Variants in SFSWAP observed in about 807,000 individuals in gnomAD.
SFSWAP encodes the protein splicing factor, suppressor of white-apricot homolog.
A neutral mutation model predicts 100.7 loss-of-function variants in SFSWAP; 17 were observed. That is an observed-to-expected ratio of 0.17 (90% CI 0.12 to 0.25). The LOEUF (loss-of-function observed/expected upper bound fraction) is 0.25, where lower values mean the gene tolerates loss of function less well. SFSWAP is among the 10% of genes least tolerant of loss of function. The probability of loss-of-function intolerance (pLI) is 1.00; values close to 1 mark genes in which losing one functional copy is unlikely to be tolerated. For missense variants in SFSWAP, 1,005 were observed against 1,262.6 expected, an observed-to-expected ratio of 0.80 and a Z score of 3.09; for synonymous variants, 504 against 510.1, an observed-to-expected ratio of 0.99 and a Z score of 0.16.
chr12:131,765,036 G>A (rs1409294767), intron 12 of SFSWAP, among the ~76,000 whole-genome samples: 2 of 152,222 alleles, frequency 1.3e-5, no homozygotes, highest in African/African-American at 4.8e-5. Context: ...CCCAGCTCAG[G>A]AACCAAACTA....
intron 13 of SFSWAP, among the ~76,000 whole-genome samples, chr12:131,772,547 GGGACCACACGAAC>G (rs1346097108): frequency 6.6e-6 from 1 of 152,224 alleles, no homozygotes; most frequent in Non-Finnish European, 1.5e-5. Flanking sequence ...CCTTACGGGA[GGGACCACACGAAC>G]GGACAGGTGC....
At chr12:131,729,855 G>A (rs1879336631) in intron 7 of SFSWAP, among the ~76,000 whole-genome samples, 1 of 152,126 alleles carries the variant, frequency 6.6e-6, no homozygotes, top group South Asian at 2.1e-4. Flanking sequence ...TCTTTATTTG[G>A]GACAAGCTTT....
At chr12:131,739,977 T>C (rs1040932237) in intron 7 of SFSWAP, among the ~76,000 whole-genome samples, 2 of 152,246 alleles carry the variant, frequency 1.3e-5, no homozygotes, top group Non-Finnish European at 2.9e-5. Context: ...TTACAAGGGC[T>C]GTAGTTCATG....
intron 7 of SFSWAP, among the ~76,000 whole-genome samples, chr12:131,743,335 A>G (rs1452825201): frequency 6.6e-6 from 1 of 152,226 alleles, no homozygotes; most frequent in Non-Finnish European, 1.5e-5. Context: ...ATCAAAAGCA[A>G]GTTAGTTGTT....
At chr12:131,749,881 G>A (rs1342378373) in intron 7 of SFSWAP, among the ~76,000 whole-genome samples, 1 of 152,240 alleles carries the variant, frequency 6.6e-6, no homozygotes, top group Non-Finnish European at 1.5e-5. Flanking sequence ...GGGTCCCCAC[G>A]CGAGCCCAGA....
At chr12:131,748,017 C>T (rs948658577) in intron 7 of SFSWAP, among the ~76,000 whole-genome samples, 1 of 152,160 alleles carries the variant, frequency 6.6e-6, no homozygotes, top group Admixed American at 6.5e-5. Flanking sequence ...GTGGGAGCAG[C>T]GAGGCCACCA....
intron 15 of SFSWAP, among the ~76,000 whole-genome samples, chr12:131,790,122 G>T (rs537153664): frequency 6.6e-6 from 1 of 152,278 alleles, no homozygotes; most frequent in East Asian, 1.9e-4. Flanking sequence ...CTGCCCCTTT[G>T]TTTAAATCTC....
intron 11 of SFSWAP, among the ~76,000 whole-genome samples, chr12:131,761,946 C>G (rs1454085005): frequency 1.3e-5 from 2 of 152,072 alleles, no homozygotes; most frequent in Non-Finnish European, 2.9e-5. Flanking sequence ...GTGGTTTTGG[C>G]TTTGTGTTTG....
intron 7 of SFSWAP, among the ~76,000 whole-genome samples, chr12:131,749,771 C>CT (rs1309787898): frequency 6.6e-6 from 1 of 152,198 alleles, no homozygotes; most frequent in African/African-American, 2.4e-5. Context: ...GTGTGAGCGG[C>CT]TAAGGTTTTG....
intron 13 of SFSWAP, among the ~76,000 whole-genome samples, chr12:131,769,568 A>C (rs969539126): frequency 6.6e-6 from 1 of 152,182 alleles, no homozygotes; most frequent in Admixed American, 6.5e-5. Flanking sequence ...CCTTATAAAC[A>C]TAAGATATGT....
chr12:131,737,579 G>A (rs905612189), intron 7 of SFSWAP, among the ~76,000 whole-genome samples: 14 of 152,026 alleles, frequency 9.2e-5, no homozygotes, highest in African/African-American at 3.4e-4. Flanking sequence ...AGTGGCCCCC[G>A]TAACATCTTT....
chr12:131,756,434 A>C, intron 10 of SFSWAP, 39 bp from the exon 11 acceptor site: 1 of 1,593,884 alleles, frequency 6.3e-7, no homozygotes, highest in Non-Finnish European at 8.6e-7. Context: ...TTTCTGTATA[A>C]TTTCCTGCTG....
At chr12:131,769,013 G>C (rs1883354085) in intron 13 of SFSWAP, among the ~76,000 whole-genome samples, 1 of 152,090 alleles carries the variant, frequency 6.6e-6, no homozygotes, top group Non-Finnish European at 1.5e-5. Flanking sequence ...TGTAATCCCA[G>C]CTACTCGGGA....
chr12:131,762,678 T>A (rs1882775310), intron 11 of SFSWAP, among the ~76,000 whole-genome samples: 1 of 152,160 alleles, frequency 6.6e-6, no homozygotes, highest in African/African-American at 2.4e-5. Flanking sequence ...CACTGTAACC[T>A]CTGCCTCTGC....
At chr12:131,759,275 G>T (rs977008905) in intron 11 of SFSWAP, among the ~76,000 whole-genome samples, 1 of 152,156 alleles carries the variant, frequency 6.6e-6, no homozygotes, top group African/African-American at 2.4e-5. Context: ...AGACCTGAAA[G>T]AATTTTGAAA....
At chr12:131,757,886 T>C (rs1297588757) in intron 11 of SFSWAP, 1 of 152,052 alleles carries the variant, frequency 6.6e-6, no homozygotes, top group Non-Finnish European at 1.5e-5. Flanking sequence ...AGGAGGAAAA[T>C]GGTTACTGCT....
intron 6 of SFSWAP, 116 bp from the exon 7 acceptor site, chr12:131,728,175 ATG>A: frequency 8.8e-7 from 1 of 1,138,940 alleles, no homozygotes; most frequent in Admixed American, 1.8e-5. Flanking sequence ...GGGTGCGTGC[ATG>A]TGTGTGTTTT....
chr12:131,776,880 A>G (rs893572350), intron 13 of SFSWAP, among the ~76,000 whole-genome samples: 6 of 152,266 alleles, frequency 3.9e-5, no homozygotes, highest in South Asian at 4.1e-4. Context: ...CTGCAGGCCT[A>G]TGCTGTTGAA....
At chr12:131,719,406 C>A in intron 3 of SFSWAP, 48 bp from the exon 4 acceptor site, 1 of 1,404,518 alleles carries the variant, frequency 7.1e-7, no homozygotes, top group Non-Finnish European at 1.0e-6. Context: ...TTAGCAGGTG[C>A]CTTCCTCCCT....
Sources: gnomAD v4.1 joint callset for allele counts (sites outside exome capture counted in the v4.1 genomes callset) on GRCh38, gnomAD v4.1.1 for gene constraint, MANE v1.5 for transcripts, NCBI Gene and HGNC (gene_info 2026-07-23, HGNC 2026-07-21) for gene names.